FAM200B: variants seen among roughly 807,000 people sequenced by gnomAD.
The protein encoded by FAM200B is protein FAM200B.
A neutral mutation model predicts 33.1 loss-of-function variants in FAM200B; 32 were observed. The ratio of observed to expected loss-of-function variants is 0.97; its 90% CI spans 0.73 to 1.30. The LOEUF (loss-of-function observed/expected upper bound fraction) is 1.30. Among genes scored for constraint, FAM200B ranks in the 50% most tolerant of loss-of-function variants. The pLI, the probability that FAM200B is intolerant of heterozygous loss-of-function variation, is 0.00. For synonymous variants in FAM200B, 240 were observed against 264.8 expected, an observed-to-expected ratio of 0.91 and a Z score of 0.91; for missense variants, 741 against 754.0, an observed-to-expected ratio of 0.98 and a Z score of 0.20.
At chr4:15,655,275 G>C in the FAM200B span, 1 of 1,431,648 alleles carries the variant, frequency 7.0e-7, no homozygotes. Context: ...ACTTCTTCAG[G>C]AAAGGGCGCC....
At chr4:15,643,251 G>C in the FAM200B span, among the ~76,000 whole-genome samples, 2 of 151,986 alleles carry the variant, frequency 1.3e-5, no homozygotes, top group African/African-American at 4.8e-5. Context: ...TCCTCCTTTA[G>C]TCTTTTCTTT....
At chr4:15,637,578 G>A in the FAM200B span, among the ~76,000 whole-genome samples, 5 of 152,234 alleles carry the variant, frequency 3.3e-5, no homozygotes, top group Admixed American at 6.5e-5. Flanking sequence ...CTTTGAAGGA[G>A]TGGGAAAATA....
chr4:15,674,893 T>C, the FAM200B span, among the ~76,000 whole-genome samples: 23 of 152,124 alleles, frequency 1.5e-4, no homozygotes, highest in Non-Finnish European at 2.8e-4. Flanking sequence ...TTGTGATCCG[T>C]CTGCCTCGGC....
the FAM200B span, among the ~76,000 whole-genome samples, chr4:15,645,195 C>T: frequency 6.6e-6 from 1 of 151,850 alleles, no homozygotes; most frequent in Admixed American, 6.6e-5. Context: ...GTCTTATTGC[C>T]TATTATCAGC....
In FAM200B at chr4:15,690,409, CT is replaced by C. The variant is rs200411149; in HGVS notation, c.*1467del. 2.6e-4 allele frequency: 43 copies of C among 163,536 alleles called. 1 individual carries two copies. Among genetic ancestry groups the C allele is most frequent in the Admixed American group, 1.3e-3 (20 of 15,132 alleles). The allele number at this position is 163,536 out of a possible 1,614,324, so 10.1% of individuals were successfully genotyped here. A position where few individuals can be genotyped will look rare whatever the true frequency, so the allele number is the denominator to read the frequency against. On this transcript the variant is annotated 3_prime_UTR_variant, in exon 2 of 2. Transcript: ENST00000422728. Reference sequence around the variant, plus strand: ...TTCTATTGAAGGTAATTGATTTTTTCTTTTTTTTTAATGCTTGAAATAAAGT... The same window carrying C: ...TTCTATTGAAGGTAATTGATTTTTTCTTTTTTTTAATGCTTGAAATAAAGT...
At chr4:15,656,848 G>C in the FAM200B span, among the ~76,000 whole-genome samples, 1 of 151,968 alleles carries the variant, frequency 6.6e-6, no homozygotes, top group East Asian at 1.9e-4. Context: ...CTATGAGGTA[G>C]TGCTGCAGGA....
At chr4:15,655,425 C>T in the FAM200B span, 4 of 992,300 alleles carry the variant, frequency 4.0e-6, no homozygotes, top group Non-Finnish European at 4.8e-6. Context: ...GCTTGGCCGG[C>T]GGGGACGCGG....
At chr4:15,685,836 A>C (rs1718784943) in intron 1 of FAM200B, among the ~76,000 whole-genome samples, 1 of 152,322 alleles carries the variant, frequency 6.6e-6, no homozygotes, top group Non-Finnish European at 1.5e-5. Context: ...AACTACTGTT[A>C]TGGTCATAAG....
At chr4:15,665,162 G>A in the FAM200B span, among the ~76,000 whole-genome samples, 2 of 152,108 alleles carry the variant, frequency 1.3e-5, no homozygotes, top group Non-Finnish European at 2.9e-5. Context: ...GCCATTATGA[G>A]CTTAGCTGCC....
chr4:15,687,303 C>T lies in FAM200B; in HGVS notation c.326C>T (p.Thr109Ile), dbSNP rs904749995. 5.8e-6 allele frequency: 9 copies of T among 1,545,378 alleles called. No homozygotes were observed. The highest frequency in any genetic ancestry group is 6.1e-6 in the Non-Finnish European group (7 of 1,143,180). Reference protein sequence around the residue: ...KPSKLKRHLETQHAELIDKPL... With the variant: ...KPSKLKRHLEIQHAELIDKPL... ...TCGAAATTAAAAAGGCACTTAGAAACTCAGCATGCTGAACTTATTGATAAG... is the reference window on the plus strand; with the variant it reads ...TCGAAATTAAAAAGGCACTTAGAAATTCAGCATGCTGAACTTATTGATAAG... Residue 109 changes from threonine to isoleucine, a missense_variant, in exon 2 of 2, where the codon ACT becomes ATT. Coordinates refer to ENST00000422728, the MANE Select transcript of FAM200B (RefSeq NM_001145191.2).
the FAM200B span, among the ~76,000 whole-genome samples, chr4:15,665,649 C>T: frequency 6.6e-6 from 1 of 152,110 alleles, no homozygotes; most frequent in East Asian, 1.9e-4. Context: ...AGAGCCCCGA[C>T]ATGTTTTTAA....
rs944947381 is a variant in FAM200B, at chr4:15,688,210, A to G, written c.1233A>G (p.Glu411=). The G allele has an allele frequency of 4.5e-6, 7 of 1,550,856 alleles. No individual in the cohort carries two copies. In the African/African-American group the frequency reaches 9.6e-5, roughly 21 times the overall value. The part of the protein sequence containing the change: ...LRNEIHFFLI[E]KKSHLASIFE... Reference sequence around the variant, plus strand: ...ATGAGATTCACTTTTTTCTCATTGAAAAAAAATCTCATTTGGCAAGTATTT... The same window carrying G: ...ATGAGATTCACTTTTTTCTCATTGAGAAAAAATCTCATTTGGCAAGTATTT... The change falls in exon 2 of 2, where the codon GAA becomes GAG. Residue 411 remains glutamate (E), a synonymous_variant. Coordinates refer to ENST00000422728, the MANE Select transcript of FAM200B (RefSeq NM_001145191.2).
chr4:15,655,131 C>G, the FAM200B span: 9 of 1,213,434 alleles, frequency 7.4e-6, no homozygotes, highest in South Asian at 1.8e-4. Flanking sequence ...GCAGGCCAGG[C>G]CGCCCCAAGA....
chr4:15,685,842 A>G (rs1407243257), intron 1 of FAM200B, among the ~76,000 whole-genome samples: 2 of 152,222 alleles, frequency 1.3e-5, no homozygotes, highest in East Asian at 1.9e-4. Flanking sequence ...TGTTATGGTC[A>G]TAAGACTGAA....
In FAM200B at chr4:15,688,800, C is replaced by G; in HGVS notation, c.1823C>G (p.Thr608Ser). 6.4e-7 allele frequency: 1 copy of G among 1,551,344 alleles called. No homozygotes were observed. The highest frequency in any genetic ancestry group is 8.7e-7 in the Non-Finnish European group (1 of 1,146,804). The stretch of plus-strand genomic sequence containing the variant: ...CTGCTATTGCTACCATTCACAACAA[C>G]TAGTTTGTGTGAACTAGGGTTTTCC... ...SVLLLLPFTTTSLCELGFSIL... is the reference protein window; with the variant it reads ...SVLLLLPFTTSSLCELGFSIL... The change falls in exon 2 of 2, where the codon ACT (threonine) becomes AGT (serine). Residue 608 changes from threonine to serine, a missense_variant. Transcript: ENST00000422728.
At chr4:15,637,611 T>C in the FAM200B span, among the ~76,000 whole-genome samples, 3 of 152,282 alleles carry the variant, frequency 2.0e-5, no homozygotes, top group African/African-American at 7.2e-5. Flanking sequence ...TGTGATGCTT[T>C]TAAATCCCAT....
the FAM200B span, among the ~76,000 whole-genome samples, chr4:15,650,721 G>A: frequency 2.3e-5 from 3 of 128,894 alleles, no homozygotes; most frequent in Non-Finnish European, 4.7e-5. Flanking sequence ...AGGCTGGAGT[G>A]CAATCGCCAA....
chr4:15,678,562 G>A (rs1033658769), upstream of FAM200B, among the ~76,000 whole-genome samples: 2 of 152,060 alleles, frequency 1.3e-5, no homozygotes, highest in South Asian at 2.1e-4. Context: ...TCTCAAAATA[G>A]TCCTTGTCTG....
At chr4:15,684,902 A>AT (rs1718683375) in intron 1 of FAM200B, 1 of 152,208 alleles carries the variant, frequency 6.6e-6, no homozygotes, top group Admixed American at 6.5e-5. Flanking sequence ...TCTAACCAAG[A>AT]TTAAGTCAAA....
Sources: allele counts gnomAD v4.1 joint callset (sites outside exome capture counted in the v4.1 genomes callset), GRCh38; gene constraint gnomAD v4.1.1; transcripts MANE v1.5; gene names NCBI Gene and HGNC (gene_info 2026-07-23, HGNC 2026-07-21).